Variants in DIAPH3 observed in about 807,000 individuals in gnomAD.
DIAPH3 encodes the protein protein diaphanous homolog 3.
Under a neutral mutation model 144.3 loss-of-function variants are expected in DIAPH3, and 117 were observed. That is an observed-to-expected ratio of 0.81 (90% confidence interval 0.70 to 0.95). The LOEUF (loss-of-function observed/expected upper bound fraction) is 0.95. Among genes scored for constraint, DIAPH3 ranks in the 40% least tolerant of loss-of-function variants. DIAPH3 has a pLI of 0.00. For synonymous variants in DIAPH3, 519 were observed against 488.9 expected (o/e 1.06, Z -0.81); for missense variants, 1,421 against 1,412.7 (o/e 1.01, Z -0.09).
intron 17 of DIAPH3, among the ~76,000 whole-genome samples, chr13:59,964,809 T>C (rs73212279): frequency 0.07 from 10,673 of 152,212 alleles, 420 homozygotes; most frequent in Admixed American, 0.11. Flanking sequence ...AAGAACCAAA[T>C]GATATGTCCC....
intron 17 of DIAPH3, among the ~76,000 whole-genome samples, chr13:59,962,289 A>C (rs2049810070): frequency 6.6e-6 from 1 of 152,196 alleles, no homozygotes; most frequent in African/African-American, 2.4e-5. Context: ...GCATAAACAA[A>C]AATACATAGG....
chr13:59,706,114 C>A (rs1294297692), intron 27 of DIAPH3, among the ~76,000 whole-genome samples: 2 of 152,002 alleles, frequency 1.3e-5, no homozygotes, highest in Non-Finnish European at 2.9e-5. Context: ...CTCCTGTATA[C>A]TTTAAATCAC....
At chr13:59,749,997 C>T (rs1215905069) in intron 27 of DIAPH3, among the ~76,000 whole-genome samples, 1 of 152,124 alleles carries the variant, frequency 6.6e-6, no homozygotes, top group African/African-American at 2.4e-5. Flanking sequence ...AACAAAATCA[C>T]ATTGAGTTGA....
intron 17 of DIAPH3, among the ~76,000 whole-genome samples, chr13:59,927,260 T>G (rs2047798259): frequency 6.6e-6 from 1 of 152,206 alleles, no homozygotes; most frequent in South Asian, 2.1e-4. Context: ...GCATCCCATT[T>G]TTTTAATCCA....
intron 9 of DIAPH3, among the ~76,000 whole-genome samples, chr13:60,007,527 T>C (rs995427435): frequency 6.6e-6 from 1 of 152,206 alleles, no homozygotes; most frequent in African/African-American, 2.4e-5. Context: ...ATTTACTTCA[T>C]ATCTATTAAC....
intron 27 of DIAPH3, among the ~76,000 whole-genome samples, chr13:59,762,583 G>A (rs1410522745): frequency 6.6e-6 from 1 of 151,730 alleles, no homozygotes; most frequent in Non-Finnish European, 1.5e-5. Context: ...TATATCACTT[G>A]TCTTTTTTTC....
At chr13:59,742,491 C>A (rs898303905) in intron 27 of DIAPH3, among the ~76,000 whole-genome samples, 2 of 151,720 alleles carry the variant, frequency 1.3e-5, no homozygotes, top group Non-Finnish European at 2.9e-5. Flanking sequence ...TATGACTTAC[C>A]TTAGATCAAT....
chr13:59,973,986 C>G (rs901429262), intron 15 of DIAPH3, among the ~76,000 whole-genome samples: 1 of 151,926 alleles, frequency 6.6e-6, no homozygotes, highest in African/African-American at 2.4e-5. Flanking sequence ...GACCCCTAGG[C>G]TGAAGGTTTT....
At chr13:59,907,506 T>C (rs1042169441) in intron 20 of DIAPH3, among the ~76,000 whole-genome samples, 10 of 152,152 alleles carry the variant, frequency 6.6e-5, no homozygotes, top group Admixed American at 3.9e-4. Context: ...AAATATATGA[T>C]CATCTACAAA....
At chr13:59,839,479 G>A (rs953084833) in intron 22 of DIAPH3, 31 bp from the exon 23 acceptor site, 26 of 1,604,402 alleles carry the variant, frequency 1.6e-5, no homozygotes, top group Non-Finnish European at 2.1e-5. Flanking sequence ...TGCCCGGAAA[G>A]GACAAAATTA....
chr13:60,053,268 C>T lies in DIAPH3; in HGVS notation c.496-10448G>A, dbSNP rs556607425. ...TACTCACGGCTGCATATCTTTAAGT[C>T]CATTAGCCATGAAGATGAAAATACT... is the stretch of plus-strand genomic sequence containing the variant. On this transcript the variant is annotated intron_variant, in intron 4 of 27. Coordinates refer to ENST00000400324, the MANE Select transcript of DIAPH3 (RefSeq NM_001042517.2). Among the ~76,000 whole-genome samples, 21 of 152,086 alleles carry T rather than the reference C, an allele frequency of 1.4e-4. No individual in the cohort carries two copies. The South Asian group carries it at 4.4e-3, about 32-fold the overall frequency.
At chr13:59,809,270 G>A (rs1000251190) in intron 25 of DIAPH3, among the ~76,000 whole-genome samples, 1 of 152,178 alleles carries the variant, frequency 6.6e-6, no homozygotes, top group Non-Finnish European at 1.5e-5. Context: ...GGGAGGCTGA[G>A]GTGGGTGGGT....
At chr13:59,792,887 A>C (rs1318433353) in intron 25 of DIAPH3, among the ~76,000 whole-genome samples, 6 of 152,120 alleles carry the variant, frequency 3.9e-5, no homozygotes, top group African/African-American at 7.2e-5. Flanking sequence ...GGTAAGAAAC[A>C]ATACCACAGG....
At chr13:59,935,593 G>A (rs1344068618) in intron 17 of DIAPH3, among the ~76,000 whole-genome samples, 5 of 152,162 alleles carry the variant, frequency 3.3e-5, no homozygotes, top group African/African-American at 1.2e-4. Context: ...TTTATGAGAT[G>A]GCAATAGACC....
At chr13:60,139,285 T>C (rs1269448912) in intron 1 of DIAPH3, among the ~76,000 whole-genome samples, 1 of 152,144 alleles carries the variant, frequency 6.6e-6, no homozygotes, top group African/African-American at 2.4e-5. Context: ...AACTTTTAAG[T>C]TGACATGTTT....
intron 14 of DIAPH3, among the ~76,000 whole-genome samples, chr13:59,975,210 A>T (rs997198268): frequency 5.3e-5 from 8 of 152,036 alleles, no homozygotes; most frequent in Admixed American, 2.6e-4. Context: ...AAAAATGAAA[A>T]AAAAAATCAA....
chr13:60,001,085 G>C (rs2052500547), intron 9 of DIAPH3, among the ~76,000 whole-genome samples: 2 of 152,126 alleles, frequency 1.3e-5, no homozygotes, highest in East Asian at 3.9e-4. Flanking sequence ...TGCTCTTCAA[G>C]GATGTGTGTA....
chr13:59,703,829 T>TA, intron 27 of DIAPH3, among the ~76,000 whole-genome samples: 1 of 152,190 alleles, frequency 6.6e-6, no homozygotes, highest in Admixed American at 6.5e-5. Context: ...ATGTATATAT[T>TA]AAAAAAACAA....
intron 27 of DIAPH3, among the ~76,000 whole-genome samples, chr13:59,758,701 C>T (rs1005286596): frequency 9.9e-5 from 15 of 151,424 alleles, no homozygotes; most frequent in South Asian, 4.2e-4. Flanking sequence ...TAAAACAAAA[C>T]GTCCTAAATC....
Sources: allele counts gnomAD v4.1 joint callset (sites outside exome capture counted in the v4.1 genomes callset), GRCh38; gene constraint gnomAD v4.1.1; transcripts MANE v1.5; gene names NCBI Gene and HGNC (gene_info 2026-07-23, HGNC 2026-07-21).